Variants in RPL14 observed in about 807,000 individuals in gnomAD.
RPL14 encodes large ribosomal subunit protein eL14.
A neutral mutation model predicts 25.3 loss-of-function variants in RPL14; 4 were observed. That is an observed-to-expected ratio of 0.16 (90% CI 0.08 to 0.36). RPL14 has a LOEUF of 0.36. RPL14 is among the 10% of genes least tolerant of loss of function. The pLI is 1.00. For synonymous variants in RPL14, 75 were observed against 89.8 expected, an observed-to-expected ratio of 0.84 and a Z score of 0.93; for missense variants, 212 against 261.9, an observed-to-expected ratio of 0.81 and a Z score of 1.31.
At position 40,464,633 on chromosome 3, in the gene RPL14, G is replaced by A. The variant is rs1431419422; in HGVS notation, c.*2401G>A. The A allele has an allele frequency of 2.3e-6, 1 of 425,694 alleles. No individual in the cohort carries two copies. Among genetic ancestry groups the A allele is most frequent in the East Asian group, 7.0e-5 (1 of 14,206 alleles). 26.4% of individuals were successfully genotyped at this position (425,694 alleles called of 1,614,324 possible). On this transcript the variant is annotated 3_prime_UTR_variant, in exon 6 of 6. Coordinates refer to ENST00000396203, the MANE Select transcript of RPL14 (RefSeq NM_001034996.3). ...AAAATGGCGTGATATCTCAGATTTAGATCATTGAACTGTTAAGACTGAATC... is the reference window on the plus strand; with the variant it reads ...AAAATGGCGTGATATCTCAGATTTAAATCATTGAACTGTTAAGACTGAATC...
In RPL14 at chr3:40,465,918, CTG is replaced by C. The variant is rs1575254127; in HGVS notation, c.*3689_*3690del. On this transcript the variant is annotated 3_prime_UTR_variant, in exon 6 of 6. Transcript: ENST00000396203. ...ATGATAAGAGATTTGAGGCCGGGCA[CTG>C]TGGCTCACACCTGTAATCCCAGCAC... The C allele has an allele frequency of 6.6e-6, 1 of 152,232 alleles. No homozygotes were observed. The highest frequency in any genetic ancestry group is 2.4e-5 in the African/African-American group (1 of 41,442). The allele number at this position is 152,232 out of a possible 1,614,324, so 9.4% of individuals were successfully genotyped here.
In RPL14 at chr3:40,461,400, G is replaced by C. The variant is rs80046061; in HGVS notation, c.201-7G>C. 2.8e-5 allele frequency: 45 copies of C among 1,612,830 alleles called. No individual in the cohort carries two copies. The African/African-American group carries it at 4.8e-4, about 17-fold the overall frequency. On this transcript the variant is annotated splice_region_variant and splice_polypyrimidine_tract_variant and intron_variant, in intron 3 of 5. Coordinates refer to ENST00000396203, the MANE Select transcript of RPL14 (RefSeq NM_001034996.3). ...ATTTCTTAATCTGTGGTCTTGGCTC[G>C]TTCTAGTGCCCACCAGAAGTATGTC...
At position 40,467,260 on chromosome 3, in the gene RPL14, T is replaced by C. The variant is rs1697041011; in HGVS notation, c.*5028T>C. The C allele has an allele frequency of 6.6e-6, 1 of 152,182 alleles. No homozygotes were observed. Among genetic ancestry groups the C allele is most frequent in the Admixed American group, 6.5e-5 (1 of 15,270 alleles). 9.4% of individuals were successfully genotyped at this position (152,182 alleles called of 1,614,324 possible). A position where few individuals can be genotyped will look rare whatever the true frequency, so the allele number is the denominator to read the frequency against. ...TCAGAAAACCAATGGGATGGATGAA[T>C]GGACTCAAGAGATTGTGGAAACCAA... On this transcript the variant is annotated 3_prime_UTR_variant, in exon 6 of 6. Coordinates refer to ENST00000396203, the MANE Select transcript of RPL14 (RefSeq NM_001034996.3).
In RPL14 at chr3:40,464,535, C is replaced by G. The variant is rs545535860; in HGVS notation, c.*2303C>G. 1 of 455,878 alleles carries G rather than the reference C, an allele frequency of 2.2e-6. No homozygotes were observed. 28.2% of individuals were successfully genotyped at this position (455,878 alleles called of 1,614,324 possible). A position where few individuals can be genotyped will look rare whatever the true frequency, so the allele number is the denominator to read the frequency against. ...GAACTGATAGTGTAGAGGACTGGCTCGGGACCACATCAAGGAAGTAGGTTA... is the reference window on the plus strand; with the variant it reads ...GAACTGATAGTGTAGAGGACTGGCTGGGGACCACATCAAGGAAGTAGGTTA... On this transcript the variant is annotated 3_prime_UTR_variant, in exon 6 of 6. Coordinates refer to ENST00000396203, the MANE Select transcript of RPL14 (RefSeq NM_001034996.3).
Position 40,459,716 on chromosome 3 carries a change from G to A in RPL14, c.200+980G>A, listed in dbSNP as rs553624802. Among the ~76,000 whole-genome samples the A allele has an allele frequency of 5.9e-5, 9 of 151,984 alleles. No individual in the cohort carries two copies. The East Asian group carries it at 1.4e-3, about 23-fold the overall frequency. ...TAAAAATACAAAAAAAAAATATTCC[G>A]GGCATGGTGGCGGACACCTGTAGTC... On this transcript the variant is annotated intron_variant, in intron 3 of 5. Transcript: ENST00000396203.
intron 2 of RPL14, chr3:40,458,344 C>T (rs958526811): frequency 1.9e-6 from 1 of 515,682 alleles, no homozygotes; most frequent in South Asian, 2.5e-5. Flanking sequence ...TGACCACTGA[C>T]TATAAATCAG....
At chr3:40,458,897 T>A in intron 3 of RPL14, 161 bp downstream of exon 3, 1 of 633,088 alleles carries the variant, frequency 1.6e-6, no homozygotes, top group Non-Finnish European at 2.8e-6. Context: ...ATGTCTTGCC[T>A]GCGCGTGATA....
chr3:40,459,880 A>AAG (rs1696909101), intron 3 of RPL14, among the ~76,000 whole-genome samples: 1 of 150,204 alleles, frequency 6.7e-6, no homozygotes, highest in Non-Finnish European at 1.5e-5. Context: ...AAAAAAAAAA[A>AAG]CTTACTGTAT....
intron 2 of RPL14, 158 bp from the exon 3 acceptor site, chr3:40,458,484 A>G: frequency 4.9e-6 from 3 of 618,290 alleles, no homozygotes; most frequent in Non-Finnish European, 8.6e-6. Flanking sequence ...ATACATATAT[A>G]TAACCCAGAT....
At chr3:40,461,735 A>G (rs1256462978) in intron 5 of RPL14, 74 bp downstream of exon 5, 21 of 1,421,254 alleles carry the variant, frequency 1.5e-5, no homozygotes, top group Non-Finnish European at 1.9e-5. Flanking sequence ...ATCCCATTTC[A>G]GGCTGCCAGC....
Position 40,467,367 on chromosome 3 carries a change from G to A in RPL14, c.*5135G>A, listed in dbSNP as rs561139945. ...ATTCAAACTGGGTCCAGAGGCCTGA[G>A]AACTGGAAGGGCCAGTGGTGTAAGT... On this transcript the variant is annotated 3_prime_UTR_variant, in exon 6 of 6. Coordinates refer to ENST00000396203, the MANE Select transcript of RPL14 (RefSeq NM_001034996.3). The A allele has an allele frequency of 1.4e-4, 21 of 152,354 alleles. No homozygotes were observed. Among genetic ancestry groups the A allele is most frequent in the Admixed American group, 1.2e-3 (19 of 15,296 alleles). 9.4% of individuals were successfully genotyped at this position (152,354 alleles called of 1,614,324 possible). A position where few individuals can be genotyped will look rare whatever the true frequency, so the allele number is the denominator to read the frequency against.
chr3:40,460,780 C>A (rs766711616), intron 3 of RPL14, among the ~76,000 whole-genome samples: 2 of 152,232 alleles, frequency 1.3e-5, no homozygotes, highest in East Asian at 3.9e-4. Flanking sequence ...TGGGGTTTCA[C>A]TATGTTGGCC....
At position 40,463,877 on chromosome 3, in the gene RPL14, C is replaced by T. The variant is rs1457720981; in HGVS notation, c.*1645C>T. On this transcript the variant is annotated 3_prime_UTR_variant, in exon 6 of 6. Coordinates refer to ENST00000396203, the MANE Select transcript of RPL14 (RefSeq NM_001034996.3). Reference sequence around the variant, plus strand: ...ATCCTGTGTATAGTAGGTTGGACTTCTGTTTCTCTCTACCACAAGATACAG... The same window carrying T: ...ATCCTGTGTATAGTAGGTTGGACTTTTGTTTCTCTCTACCACAAGATACAG... 1 of 153,330 alleles carries T rather than the reference C, an allele frequency of 6.5e-6. No individual in the cohort carries two copies. Among genetic ancestry groups the T allele is most frequent in the African/African-American group, 2.4e-5 (1 of 41,382 alleles). The allele number at this position is 153,330 out of a possible 1,614,324, so 9.5% of individuals were successfully genotyped here. A position where few individuals can be genotyped will look rare whatever the true frequency, so the allele number is the denominator to read the frequency against.
Position 40,464,706 on chromosome 3 carries a change from G to T in RPL14, c.*2474G>T, listed in dbSNP as rs1697002758. 3.1e-6 allele frequency: 1 copy of T among 326,310 alleles called. No individual in the cohort carries two copies. Among genetic ancestry groups the T allele is most frequent in the African/African-American group, 2.1e-5 (1 of 46,764 alleles). The allele number at this position is 326,310 out of a possible 1,614,324, so 20.2% of individuals were successfully genotyped here. Reference sequence around the variant, plus strand: ...GCTCGGGTTGGCAGTATGAAGTTTGGCAGTAATCCAAGGAAGTGACAGTGG... The same window carrying T: ...GCTCGGGTTGGCAGTATGAAGTTTGTCAGTAATCCAAGGAAGTGACAGTGG... On this transcript the variant is annotated 3_prime_UTR_variant, in exon 6 of 6. Transcript: ENST00000396203.
rs1477923891 is a variant in RPL14, at chr3:40,467,475, A to G, written c.*5243A>G. 6.6e-6 allele frequency: 1 copy of G among 152,476 alleles called. No individual in the cohort carries two copies. Among genetic ancestry groups the G allele is most frequent in the Non-Finnish European group, 1.5e-5 (1 of 68,060 alleles). 9.4% of individuals were successfully genotyped at this position (152,476 alleles called of 1,614,324 possible). A position where few individuals can be genotyped will look rare whatever the true frequency, so the allele number is the denominator to read the frequency against. On this transcript the variant is annotated 3_prime_UTR_variant, in exon 6 of 6. Transcript: ENST00000396203. ...GAGAGGATGGGTTTCCCAGATTAAA[A>G]AAGCAAATTCACGCTTCCTCCCCCA...
At position 40,468,123 on chromosome 3, in the gene RPL14, G is replaced by A. The variant is rs758933411; in HGVS notation, c.*5891G>A. ...CCCAAAGTACTGGGATTACAGGCGT[G>A]AGCCACGGCACCAGGCCCTCTTTTT... On this transcript the variant is annotated 3_prime_UTR_variant, in exon 6 of 6. Coordinates refer to ENST00000396203, the MANE Select transcript of RPL14 (RefSeq NM_001034996.3). The A allele has an allele frequency of 1.3e-5, 2 of 152,288 alleles. No homozygotes were observed. Among genetic ancestry groups the A allele is most frequent in the South Asian group, 2.1e-4 (1 of 4,832 alleles). The allele number at this position is 152,288 out of a possible 1,614,324, so 9.4% of individuals were successfully genotyped here. A position where few individuals can be genotyped will look rare whatever the true frequency, so the allele number is the denominator to read the frequency against.
In RPL14 at chr3:40,462,372, C is replaced by CTTTTTTTTTTTT; in HGVS notation, c.*140_*141insTTTTTTTTTTTT. ...TATAATAAACATTAAATAATCAGTTCCTTTTTTTTTTTTTTTTTTTTTGAG... is the reference window on the plus strand; with the variant it reads ...TATAATAAACATTAAATAATCAGTTCTTTTTTTTTTTTCTTTTTTTTTTTTTTTTTTTTTGAG... On this transcript the variant is annotated 3_prime_UTR_variant, in exon 6 of 6. Transcript: ENST00000396203. 2 of 519,758 alleles carry CTTTTTTTTTTTT rather than the reference C, an allele frequency of 3.8e-6. No individual in the cohort carries two copies. Among genetic ancestry groups the CTTTTTTTTTTTT allele is most frequent in the South Asian group, 7.5e-5 (2 of 26,594 alleles). 32.2% of individuals were successfully genotyped at this position (519,758 alleles called of 1,614,324 possible). A position where few individuals can be genotyped will look rare whatever the true frequency, so the allele number is the denominator to read the frequency against.
rs752012493 is a variant in RPL14, at chr3:40,457,388, G to T, written c.-84G>T. 6.2e-7 allele frequency: 1 copy of T among 1,602,396 alleles called. No individual in the cohort carries two copies. The highest frequency in any genetic ancestry group is 1.7e-5 in the Admixed American group (1 of 59,034). Reference sequence around the variant, plus strand: ...GGTGAGTCTTACTGTTGCGGGCTCCGGGGCCGTCGACCATGCCGCTCGACC... The same window carrying T: ...GGTGAGTCTTACTGTTGCGGGCTCCTGGGCCGTCGACCATGCCGCTCGACC... On this transcript the variant is annotated 5_prime_UTR_variant, in exon 1 of 6. Coordinates refer to ENST00000396203, the MANE Select transcript of RPL14 (RefSeq NM_001034996.3).
At position 40,461,965 on chromosome 3, in the gene RPL14, TAAG is replaced by T. The variant is rs1696944130; in HGVS notation, c.385_387del (p.Lys129del). ...GGAACAGAATAATCAAGAATGAAGT[TAAG>T]AAGCTTCAAAAGGCAGCTCTCCTGA... is the stretch of plus-strand genomic sequence containing the variant. On this transcript the variant is annotated inframe_deletion, in exon 6 of 6. Transcript: ENST00000396203. The T allele has an allele frequency of 1.2e-6, 2 of 1,607,138 alleles. No individual in the cohort carries two copies. Among genetic ancestry groups the T allele is most frequent in the Non-Finnish European group, 8.5e-7 (1 of 1,177,790 alleles).
Sources: allele counts gnomAD v4.1 joint callset (sites outside exome capture counted in the v4.1 genomes callset), GRCh38; gene constraint gnomAD v4.1.1; transcripts MANE v1.5; gene names NCBI Gene and HGNC (gene_info 2026-07-23, HGNC 2026-07-21).